SRGAP2: variants seen among roughly 807,000 people sequenced by gnomAD.
The protein encoded by SRGAP2 is SLIT-ROBO Rho GTPase activating protein 2.
In SRGAP2, 15 loss-of-function variants were observed where a neutral mutation model predicts 57.2. That is an observed-to-expected ratio of 0.26 (90% CI 0.18 to 0.40). SRGAP2 has a LOEUF of 0.40. Among genes scored for constraint, SRGAP2 ranks in the 10% least tolerant of loss-of-function variants. SRGAP2 has a pLI of 1.00. For synonymous variants in SRGAP2, 249 were observed against 248.0 expected (o/e 1.00, Z -0.04); for missense variants, 520 against 669.6 (o/e 0.78, Z 2.47).
intron 4 of SRGAP2, among the ~76,000 whole-genome samples, chr1:206,373,988 T>C (rs1654966545): frequency 1.3e-5 from 2 of 150,124 alleles, no homozygotes; most frequent in African/African-American, 2.5e-5. Flanking sequence ...ATATGGATAC[T>C]GCGCCTGACA....
chr1:206,454,526 C>G lies in SRGAP2; in HGVS notation c.2361-352C>G, dbSNP rs915955036. The G allele has an allele frequency of 4.8e-6, 2 of 414,678 alleles. No individual in the cohort carries two copies. Among genetic ancestry groups the G allele is most frequent in the Admixed American group, 4.1e-5 (1 of 24,222 alleles). 25.7% of individuals were successfully genotyped at this position (414,678 alleles called of 1,614,324 possible). A position where few individuals can be genotyped will look rare whatever the true frequency, so the allele number is the denominator to read the frequency against. On this transcript the variant is annotated intron_variant, in intron 20 of 22. Transcript: ENST00000573034. The surrounding 1 kb of genome is among the most constrained non-coding windows in gnomAD (Gnocchi z 4.3). ...CAGGACCTCAGCCGATAAACCACAA[C>G]CTGGACTTGCCGCCTCCTTCTCCAG...
chr1:206,381,315 TAAG>T (rs1303780824), intron 4 of SRGAP2, among the ~76,000 whole-genome samples: 9 of 144,512 alleles, frequency 6.2e-5, no homozygotes, highest in Non-Finnish European at 1.1e-4. Context: ...CATTCAAACA[TAAG>T]GAGGAGTTAA....
intron 17 of SRGAP2, among the ~76,000 whole-genome samples, chr1:206,442,168 A>G (rs1662364666): frequency 6.6e-6 from 1 of 152,162 alleles, no homozygotes; most frequent in African/African-American, 2.4e-5. Flanking sequence ...CCACACTATC[A>G]TGTAGCCCCC....
In SRGAP2 at chr1:206,421,479, C is replaced by T. The variant is rs558038147; in HGVS notation, c.1494+205C>T. Among the ~76,000 whole-genome samples, 6 of 152,268 alleles carry T rather than the reference C, an allele frequency of 3.9e-5. 1 individual carries two copies. Among genetic ancestry groups the T allele is most frequent in the African/African-American group, 1.4e-4 (6 of 41,544 alleles). On this transcript the variant is annotated intron_variant, in intron 13 of 22. Transcript: ENST00000573034. The stretch of plus-strand genomic sequence containing the variant: ...AGTGGCCATAGTCTTTTTGACTTGT[C>T]CCTCTCCTTTCTAGTCATTTATCCT...
At chr1:206,346,899 T>C (rs1675671597) in intron 4 of SRGAP2, among the ~76,000 whole-genome samples, 1 of 152,162 alleles carries the variant, frequency 6.6e-6, no homozygotes, top group Admixed American at 6.6e-5. Context: ...TATAAAGTAG[T>C]TACTATTGTC....
chr1:206,298,669 T>C (rs1248243735), intron 2 of SRGAP2, among the ~76,000 whole-genome samples: 1 of 152,208 alleles, frequency 6.6e-6, no homozygotes, highest in African/African-American at 2.4e-5. Flanking sequence ...AGGTCAACTC[T>C]GATTCTCAGG....
At chr1:206,303,599 C>T (rs1671997372) in intron 3 of SRGAP2, 126 bp downstream of exon 3, 1 of 660,946 alleles carries the variant, frequency 1.5e-6, no homozygotes, top group Non-Finnish European at 2.4e-6. Context: ...GGTTGAAAGC[C>T]CTCAAGGACT....
intron 10 of SRGAP2, among the ~76,000 whole-genome samples, chr1:206,414,373 G>T (rs993447236): frequency 6.6e-6 from 1 of 152,080 alleles, no homozygotes; most frequent in Admixed American, 6.6e-5. Flanking sequence ...TTAATCCTAA[G>T]TGGCAATCCA....
At chr1:206,370,223 A>G (rs1291180646) in intron 4 of SRGAP2, among the ~76,000 whole-genome samples, 23 of 151,968 alleles carry the variant, frequency 1.5e-4, no homozygotes, top group Admixed American at 2.6e-4. Flanking sequence ...CAGAGATCGC[A>G]CCACTGCACT....
chr1:206,392,249 AG>A (rs1657049550), intron 5 of SRGAP2, among the ~76,000 whole-genome samples: 3 of 111,788 alleles, frequency 2.7e-5, no homozygotes, highest in African/African-American at 7.0e-5. Context: ...CAGAAAGCAT[AG>A]GCTACTCCAT....
At chr1:206,354,874 C>T (rs1676320479) in intron 4 of SRGAP2, among the ~76,000 whole-genome samples, 1 of 150,334 alleles carries the variant, frequency 6.7e-6, no homozygotes, top group Admixed American at 6.6e-5. Flanking sequence ...TTCCTCCCTC[C>T]CTTCCTTTTC....
At chr1:206,453,568 G>C (rs912262659) in intron 20 of SRGAP2, 188 bp downstream of exon 20, 4 of 376,196 alleles carry the variant, frequency 1.1e-5, no homozygotes, top group Non-Finnish European at 1.9e-5. Context: ...ACTCAGTGGA[G>C]AATTTTTTTA....
chr1:206,326,412 C>G (rs1418833373), intron 3 of SRGAP2, among the ~76,000 whole-genome samples: 1 of 152,112 alleles, frequency 6.6e-6, no homozygotes, highest in South Asian at 2.1e-4. Context: ...AGCAGTTTTG[C>G]TCCCTCTGGG....
chr1:206,451,657 G>A (rs1553375984), intron 19 of SRGAP2, among the ~76,000 whole-genome samples: 1 of 152,184 alleles, frequency 6.6e-6, no homozygotes, highest in South Asian at 2.1e-4. Context: ...GAGGAGGGGA[G>A]TAGGTGAACT....
chr1:206,229,932 AC>A (rs1667522206), intron 2 of SRGAP2, among the ~76,000 whole-genome samples: 1 of 27,038 alleles, frequency 3.7e-5, no homozygotes, highest in Non-Finnish European at 6.4e-5. Context: ...ACACATACAT[AC>A]ACACACACAC....
At chr1:206,326,391 C>A (rs1239876659) in intron 3 of SRGAP2, among the ~76,000 whole-genome samples, 1 of 151,798 alleles carries the variant, frequency 6.6e-6, no homozygotes, top group South Asian at 2.1e-4. Context: ...TTTCAGGCGC[C>A]GTTAGGCAGC....
chr1:206,329,718 G>T (rs1447694737), intron 3 of SRGAP2, among the ~76,000 whole-genome samples: 7 of 144,548 alleles, frequency 4.8e-5, no homozygotes, highest in African/African-American at 1.3e-4. Flanking sequence ...GAGACGAAGG[G>T]GTTTTCTAGA....
chr1:206,452,445 A>G (rs542086152), intron 19 of SRGAP2, among the ~76,000 whole-genome samples: 20 of 152,356 alleles, frequency 1.3e-4, no homozygotes, highest in Non-Finnish European at 2.4e-4. Context: ...ACATGTATGT[A>G]TTCTAAAAAA....
At chr1:206,249,737 T>C (rs1558251375) in intron 2 of SRGAP2, among the ~76,000 whole-genome samples, 1 of 151,818 alleles carries the variant, frequency 6.6e-6, no homozygotes. Flanking sequence ...GAACTTAAAG[T>C]ATAATTAAAG....
Sources: gnomAD v4.1 joint callset for allele counts (sites outside exome capture counted in the v4.1 genomes callset) on GRCh38, gnomAD v4.1.1 for gene constraint, Gnocchi (gnomAD v3.1) non-coding constraint, MANE v1.5 for transcripts, NCBI Gene and HGNC (gene_info 2026-07-23, HGNC 2026-07-21) for gene names.